RTN4RL1: variants seen among roughly 807,000 people sequenced by gnomAD.
The protein encoded by RTN4RL1 is reticulon 4 receptor like 1.
Under a neutral mutation model 25.6 loss-of-function variants are expected in RTN4RL1, and 7 were observed. That is an observed-to-expected ratio of 0.27 (90% CI 0.16 to 0.51). RTN4RL1 has a LOEUF of 0.51. Among genes scored for constraint, RTN4RL1 ranks in the 20% least tolerant of loss-of-function variants. The pLI, the probability that RTN4RL1 is intolerant of heterozygous loss-of-function variation, is 0.97. For missense variants in RTN4RL1, 500 were observed against 615.6 expected (o/e 0.81, Z 1.99); for synonymous variants, 297 against 288.2 (o/e 1.03, Z -0.31).
chr17:1,993,525 T>TTTTTG (rs895094310), intron 1 of RTN4RL1, among the ~76,000 whole-genome samples: 2 of 152,178 alleles, frequency 1.3e-5, no homozygotes, highest in Non-Finnish European at 2.9e-5. Context: ...ATTTATGAGT[T>TTTTTG]TTTTGTTTTG....
chr17:1,975,064 C>T (rs910270623), intron 1 of RTN4RL1, among the ~76,000 whole-genome samples: 1 of 152,176 alleles, frequency 6.6e-6, no homozygotes, highest in African/African-American at 2.4e-5. Flanking sequence ...ACCTGCGGCA[C>T]CCCCACCCAT....
intron 1 of RTN4RL1, among the ~76,000 whole-genome samples, chr17:1,944,846 A>G (rs1205131476): frequency 6.6e-6 from 1 of 152,124 alleles, no homozygotes; most frequent in African/African-American, 2.4e-5. Flanking sequence ...CTATTGCAAT[A>G]GGCTCCTAAG....
At position 1,965,114 on chromosome 17, in the gene RTN4RL1, CT is replaced by C. The variant is rs538870581; in HGVS notation, c.14-27307del. Among the ~76,000 whole-genome samples, 150 of 137,618 alleles carry C rather than the reference CT, an allele frequency of 1.1e-3. 1 individual carries two copies. Among genetic ancestry groups the C allele is most frequent in the South Asian group, 9.2e-3 (39 of 4,258 alleles). The allele number at this position is 137,618 out of a possible 152,430, so 90.3% of individuals were successfully genotyped here. Reference sequence around the variant, plus strand: ...CAGTTTGCTTTTCTTTTCTTTCTTTCTTTTTTTTTTTTGAGACGTTGTTTCA... The same window carrying C: ...CAGTTTGCTTTTCTTTTCTTTCTTTCTTTTTTTTTTTGAGACGTTGTTTCA... On this transcript the variant is annotated intron_variant, in intron 1 of 1. Transcript: ENST00000331238.
At chr17:1,982,636 AAGAAAAGAAAAG>A (rs1245602455) in intron 1 of RTN4RL1, among the ~76,000 whole-genome samples, 12 of 151,842 alleles carry the variant, frequency 7.9e-5, no homozygotes, top group Admixed American at 7.9e-4. Flanking sequence ...AAGAAAAGAA[AAGAAAAGAAAAG>A]AAACTCTGGG....
chr17:1,943,951 G>A (rs1408429253), intron 1 of RTN4RL1, among the ~76,000 whole-genome samples: 3 of 151,908 alleles, frequency 2.0e-5, no homozygotes, highest in Admixed American at 6.6e-5. Context: ...TTTAAGACAC[G>A]GTCTTGCTCT....
chr17:2,007,280 T>C (rs1203820206), intron 1 of RTN4RL1, among the ~76,000 whole-genome samples: 1 of 148,288 alleles, frequency 6.7e-6, no homozygotes, highest in Non-Finnish European at 1.5e-5. Context: ...TACACCTTCC[T>C]CCTCTGGATC....
At chr17:2,015,566 C>T (rs187333488) in intron 1 of RTN4RL1, among the ~76,000 whole-genome samples, 89 of 152,300 alleles carry the variant, frequency 5.8e-4, no homozygotes, top group African/African-American at 1.9e-3. Flanking sequence ...AGGCTGCCAT[C>T]AGGGAAGCCG....
At chr17:1,962,879 A>AG (rs1567510711) in intron 1 of RTN4RL1, among the ~76,000 whole-genome samples, 4 of 147,496 alleles carry the variant, frequency 2.7e-5, no homozygotes, top group African/African-American at 7.4e-5. Flanking sequence ...AAAAAAAAAA[A>AG]AAGAGATGTG....
At chr17:1,939,433 G>T (rs1280165538) in intron 1 of RTN4RL1, among the ~76,000 whole-genome samples, 1 of 152,116 alleles carries the variant, frequency 6.6e-6, no homozygotes, top group African/African-American at 2.4e-5. Context: ...GAGCTGTGTG[G>T]ATGTCCTGAG....
chr17:2,008,479 G>A (rs978178717), intron 1 of RTN4RL1, among the ~76,000 whole-genome samples: 1 of 152,264 alleles, frequency 6.6e-6, no homozygotes. Context: ...CCTGGGAGGG[G>A]TGAGCTTTCC....
intron 1 of RTN4RL1, among the ~76,000 whole-genome samples, chr17:1,999,778 C>A (rs554251230): frequency 6.6e-6 from 1 of 152,352 alleles, no homozygotes; most frequent in East Asian, 1.9e-4. Flanking sequence ...TAAAGAGAGG[C>A]ATTGCTGGAA....
chr17:2,004,863 G>A (rs1051980936), intron 1 of RTN4RL1, among the ~76,000 whole-genome samples: 2 of 152,230 alleles, frequency 1.3e-5, no homozygotes, highest in Admixed American at 1.3e-4. Flanking sequence ...AGGGCAGTGA[G>A]ATGTGGGCTG....
At chr17:1,946,221 C>A (rs1036903212) in intron 1 of RTN4RL1, among the ~76,000 whole-genome samples, 10 of 152,232 alleles carry the variant, frequency 6.6e-5, no homozygotes, top group African/African-American at 2.4e-4. Context: ...CCAACCAGGA[C>A]AGGTCAGTCA....
chr17:1,989,535 C>G (rs1318565314), intron 1 of RTN4RL1, among the ~76,000 whole-genome samples: 1 of 152,024 alleles, frequency 6.6e-6, no homozygotes. Flanking sequence ...TGGCTGAGAA[C>G]AGAAAGCCGG....
At chr17:1,988,480 C>T (rs1196288049) in intron 1 of RTN4RL1, among the ~76,000 whole-genome samples, 10 of 142,466 alleles carry the variant, frequency 7.0e-5, no homozygotes, top group Non-Finnish European at 1.4e-4. Flanking sequence ...GTACTCCAGC[C>T]TGGGGGACAG....
chr17:1,939,797 G>A (rs949222756), intron 1 of RTN4RL1, among the ~76,000 whole-genome samples: 1 of 152,074 alleles, frequency 6.6e-6, no homozygotes, highest in East Asian at 1.9e-4. Flanking sequence ...CCAGGCAGGC[G>A]CGCCGAGGTT....
intron 1 of RTN4RL1, 133 bp downstream of exon 1, chr17:2,024,720 G>A: frequency 1.3e-6 from 1 of 799,808 alleles, no homozygotes; most frequent in South Asian, 1.9e-5. Context: ...CTCGGCGGGT[G>A]CGCCCGGCAA....
chr17:1,995,551 C>T (rs534545767), intron 1 of RTN4RL1: 12 of 152,316 alleles, frequency 7.9e-5, no homozygotes, highest in African/African-American at 2.9e-4. Flanking sequence ...GCTCATACCC[C>T]AGATGAGGGA....
chr17:1,991,658 C>G (rs997530930), intron 1 of RTN4RL1, among the ~76,000 whole-genome samples: 6 of 152,112 alleles, frequency 3.9e-5, no homozygotes, highest in African/African-American at 1.4e-4. Flanking sequence ...CCATGTATTA[C>G]CACTGCTTTT....
Sources: allele counts gnomAD v4.1 joint callset (sites outside exome capture counted in the v4.1 genomes callset), GRCh38; gene constraint gnomAD v4.1.1; transcripts MANE v1.5; gene names NCBI Gene and HGNC (gene_info 2026-07-23, HGNC 2026-07-21).